The following GMCL1 variants were observed in gnomAD, a reference collection of about 807,000 sequenced individuals.
The protein encoded by GMCL1 is germ cell-less protein-like 1.
A neutral mutation model predicts 75.5 loss-of-function variants in GMCL1; 54 were observed. That is an observed-to-expected ratio of 0.71 (90% confidence interval 0.57 to 0.90). The LOEUF is 0.90. Ranked by LOEUF, GMCL1 falls within the 40% of genes least tolerant of loss-of-function variation. GMCL1 has a pLI of 0.00. For missense variants in GMCL1, 537 were observed against 622.7 expected, an observed-to-expected ratio of 0.86 and a Z score of 1.47; for synonymous variants, 210 against 209.6, an observed-to-expected ratio of 1.00 and a Z score of -0.02.
Position 69,861,281 on chromosome 2 carries a change from G to T in GMCL1, c.1076G>T (p.Trp359Leu). ...IEQDAVVPSEWLSSVYKQQWF... is the reference protein window; with the variant it reads ...IEQDAVVPSELLSSVYKQQWF... ...TTAATTTATTCTTACATTTCAGAAT[G>T]GCTCTCTTCTGTGTATAAACAGCAG... The change falls in exon 10 of 14, where the codon TGG (tryptophan) becomes TTG (leucine). Residue 359 changes from tryptophan (W) to leucine (L), a missense_variant. This residue lies in a region of GMCL1 where 345 missense variants were observed against 410.5 expected (regional missense o/e 0.84). Transcript: ENST00000282570. 6.3e-7 allele frequency: 1 copy of T among 1,591,216 alleles called. No homozygotes were observed. The highest frequency in any genetic ancestry group is 8.6e-7 in the Non-Finnish European group (1 of 1,162,654).
Position 69,849,724 on chromosome 2 carries a change from T to C in GMCL1, c.916T>C (p.Phe306Leu), listed in dbSNP as rs369592177. 8 of 1,587,878 alleles carry C rather than the reference T, an allele frequency of 5.0e-6. No individual in the cohort carries two copies. The African/African-American group carries it at 1.1e-4, about 21-fold the overall frequency. The change falls in exon 8 of 14, where the codon TTT becomes CTT. Residue 306 changes from phenylalanine to leucine, a missense_variant. Coordinates refer to ENST00000282570, the MANE Select transcript of GMCL1 (RefSeq NM_178439.5). The stretch of plus-strand genomic sequence containing the variant: ...GCTTTTGACAGAAACAGATGTCTGG[T>C]TTTCTAAACAGAGGAAAGGTAGGCC... ...KQLLTETDVW[F>L]SKQRKDFEGM...
chr2:69,832,869 C>T (rs538790711), intron 1 of GMCL1, among the ~76,000 whole-genome samples: 22 of 152,260 alleles, frequency 1.4e-4, no homozygotes, highest in Admixed American at 4.6e-4. Context: ...GAGGACAAAA[C>T]GCTAAGGTAA....
In GMCL1 at chr2:69,879,121, G is replaced by A. The variant is rs566431462; in HGVS notation, c.*117G>A. The stretch of plus-strand genomic sequence containing the variant: ...TAATGGCCCTACTGATATTCACATC[G>A]AAGGTGACTAACAATGACAAAGGCC... On this transcript the variant is annotated 3_prime_UTR_variant, in exon 14 of 14. Coordinates refer to ENST00000282570, the MANE Select transcript of GMCL1 (RefSeq NM_178439.5). 2.5e-5 allele frequency: 16 copies of A among 644,952 alleles called. No individual in the cohort carries two copies. The highest frequency in any genetic ancestry group is 1.3e-4 in the South Asian group (7 of 54,064). The allele number at this position is 644,952 out of a possible 1,614,324, so 40.0% of individuals were successfully genotyped here.
intron 5 of GMCL1, among the ~76,000 whole-genome samples, chr2:69,843,607 A>C (rs1675048130): frequency 6.6e-6 from 1 of 152,102 alleles, no homozygotes; most frequent in South Asian, 2.1e-4. Context: ...TGAGCAATGT[A>C]GGGAGACCCC....
chr2:69,877,153 A>C lies in GMCL1; in HGVS notation c.1453-1756A>C, dbSNP rs74534672. Reference sequence around the variant, plus strand: ...TCCACAATGGAATAAGGAAAATAGAACTTTGCTATAAAGGTACTTCAATGC... The same window carrying C: ...TCCACAATGGAATAAGGAAAATAGACCTTTGCTATAAAGGTACTTCAATGC... On this transcript the variant is annotated intron_variant, in intron 13 of 13. Coordinates refer to ENST00000282570, the MANE Select transcript of GMCL1 (RefSeq NM_178439.5). 3.4e-3 allele frequency among the ~76,000 whole-genome samples: 524 copies of C among 152,316 alleles called. 24 individuals carry two copies. The East Asian group carries it at 0.081, about 23-fold the overall frequency.
rs1045612904 is a variant in GMCL1, at chr2:69,881,127, A to G, written c.*2123A>G. 1 of 152,220 alleles carries G rather than the reference A, an allele frequency of 6.6e-6. No homozygotes were observed. Among genetic ancestry groups the G allele is most frequent in the African/African-American group, 2.4e-5 (1 of 41,452 alleles). The allele number at this position is 152,220 out of a possible 1,614,324, so 9.4% of individuals were successfully genotyped here. A position where few individuals can be genotyped will look rare whatever the true frequency, so the allele number is the denominator to read the frequency against. On this transcript the variant is annotated 3_prime_UTR_variant, in exon 14 of 14. Transcript: ENST00000282570. ...TAAGTTAACTGGCCAAATTGGATTT[A>G]TATGTGGTTTCATCCATTGGTTCTG...
chr2:69,856,015 T>C (rs1271145823), intron 9 of GMCL1, among the ~76,000 whole-genome samples: 6 of 152,166 alleles, frequency 3.9e-5, no homozygotes, highest in African/African-American at 1.4e-4. Context: ...GCAAGATGGG[T>C]ACAAGTATTT....
rs567276123 is a variant in GMCL1, at chr2:69,855,639, T to C, written c.1072+679T>C. ...TTTTTGTTCCTGATATCTGTATACT[T>C]ATTTGGAAAGAAATTGAAGGGAAGG... is the stretch of plus-strand genomic sequence containing the variant. On this transcript the variant is annotated intron_variant, in intron 9 of 13. Coordinates refer to ENST00000282570, the MANE Select transcript of GMCL1 (RefSeq NM_178439.5). Among the ~76,000 whole-genome samples the C allele has an allele frequency of 3.9e-5, 6 of 152,306 alleles. No individual in the cohort carries two copies. The East Asian group carries it at 1.2e-3, about 29-fold the overall frequency.
chr2:69,863,088 G>A (rs1675706118), intron 10 of GMCL1, among the ~76,000 whole-genome samples: 1 of 152,030 alleles, frequency 6.6e-6, no homozygotes, highest in Admixed American at 6.6e-5. Context: ...AGTCATTTTG[G>A]GGGAATTGGT....
At chr2:69,853,273 A>C (rs958034194) in intron 8 of GMCL1, among the ~76,000 whole-genome samples, 4 of 152,198 alleles carry the variant, frequency 2.6e-5, no homozygotes. Context: ...AACTCAAGAG[A>C]TATAAATCCA....
chr2:69,843,298 T>G (rs1573347584), intron 5 of GMCL1, 37 bp downstream of exon 5: 1 of 1,146,988 alleles, frequency 8.7e-7, no homozygotes, highest in Non-Finnish European at 1.3e-6. Flanking sequence ...CTATCCCACT[T>G]TTAGGAATTT....
chr2:69,869,875 AT>A lies in GMCL1; in HGVS notation c.1364+14del. The A allele has an allele frequency of 6.2e-7, 1 of 1,610,064 alleles. No homozygotes were observed. The highest frequency in any genetic ancestry group is 1.1e-5 in the South Asian group (1 of 90,662). ...GAGCATAGCATTTAGGTAGGATGAG[AT>A]TTCCCCACCCCACTCCTCCTCACTC... On this transcript the variant is annotated intron_variant, in intron 12 of 13. Coordinates refer to ENST00000282570, the MANE Select transcript of GMCL1 (RefSeq NM_178439.5).
chr2:69,850,396 A>G (rs1675282916), intron 8 of GMCL1, among the ~76,000 whole-genome samples: 1 of 152,230 alleles, frequency 6.6e-6, no homozygotes, highest in Non-Finnish European at 1.5e-5. Context: ...AAACATATCT[A>G]GAAAAAGTAT....
intron 13 of GMCL1, among the ~76,000 whole-genome samples, chr2:69,875,195 G>T (rs1198717252): frequency 1.3e-5 from 2 of 151,620 alleles, no homozygotes; most frequent in East Asian, 1.9e-4. Context: ...TCTTTTTATG[G>T]CTTAATTTTT....
rs765700779 is a variant in GMCL1 at position 69,837,589 on chromosome 2, A to G, written c.303A>G (p.Leu101=). 10 of 1,601,084 alleles carry G rather than the reference A, an allele frequency of 6.2e-6. No individual in the cohort carries two copies. The East Asian group carries it at 1.8e-4, about 29-fold the overall frequency. The change falls in exon 2 of 14, where the codon TTA becomes TTG. Residue 101 remains leucine, a synonymous_variant. Transcript: ENST00000282570. ...KSTSKYIYQT[L]FLNGENSDIK... is the part of the protein sequence containing the mutation. ...CATCTAAATATATTTATCAAACATT[A>G]TTTTTGAATGGTGAAAACAGTGACA...
Position 69,862,776 on chromosome 2 carries a change from G to C in GMCL1, c.1142+1429G>C, listed in dbSNP as rs140367449. On this transcript the variant is annotated intron_variant, in intron 10 of 13. Coordinates refer to ENST00000282570, the MANE Select transcript of GMCL1 (RefSeq NM_178439.5). ...CTCCATCCCAAAAAAAAAAAAGATT[G>C]TTGAAATACAAATAATAAATTGAAA... Among the ~76,000 whole-genome samples, 387 of 151,898 alleles carry C rather than the reference G, an allele frequency of 2.5e-3. 2 individuals carry two copies. The highest frequency in any genetic ancestry group is 9.0e-3 in the African/African-American group (372 of 41,428).
chr2:69,874,663 T>A (rs1007646839), intron 13 of GMCL1, among the ~76,000 whole-genome samples: 2 of 152,148 alleles, frequency 1.3e-5, no homozygotes, highest in Non-Finnish European at 2.9e-5. Context: ...TAATTTTTTA[T>A]TAAAATTTCA....
chr2:69,866,967 C>G (rs924928779), intron 11 of GMCL1, among the ~76,000 whole-genome samples: 1 of 150,220 alleles, frequency 6.7e-6, no homozygotes, highest in African/African-American at 2.5e-5. Context: ...TTTTTTGAGA[C>G]AGAGTCTCAC....
At chr2:69,859,306 G>T (rs1360781640) in intron 9 of GMCL1, among the ~76,000 whole-genome samples, 1 of 151,224 alleles carries the variant, frequency 6.6e-6, no homozygotes, top group African/African-American at 2.4e-5. Flanking sequence ...ATTTTAATAG[G>T]TAGGGATCAG....
Sources: allele counts gnomAD v4.1 joint callset (sites outside exome capture counted in the v4.1 genomes callset), GRCh38; gene constraint gnomAD v4.1.1; regional missense constraint gnomAD v4.1.1; transcripts MANE v1.5; gene names NCBI Gene and HGNC (gene_info 2026-07-23, HGNC 2026-07-21).